Variants in ZNF665 observed in about 807,000 individuals in gnomAD.
ZNF665 encodes the protein zinc finger protein 665.
A neutral mutation model predicts 7.9 loss-of-function variants in ZNF665; 6 were observed. That is an observed-to-expected ratio of 0.76 (90% confidence interval 0.42 to 1.50). ZNF665 has a LOEUF of 1.50. ZNF665 is among the 40% of genes most tolerant of loss of function. The pLI is 0.01. For synonymous variants in ZNF665, 242 were observed against 274.5 expected (o/e 0.88, Z 1.17); for missense variants, 819 against 806.7 (o/e 1.02, Z -0.18).
rs146027444 is a variant in ZNF665, at chr19:53,170,948, A to G, written c.142+4497T>C. ...GATTAGAATGTATCTTGTATTTTTT[A>G]TGTTATATGTATTATATACTGTATT... On this transcript the variant is annotated intron_variant, in intron 3 of 3. Transcript: ENST00000396424. Among the ~76,000 whole-genome samples the G allele has an allele frequency of 2.4e-4, 36 of 152,144 alleles. No homozygotes were observed. In the Middle Eastern group the frequency reaches 0.027, roughly 115 times the overall value.
intron 2 of ZNF665, among the ~76,000 whole-genome samples, chr19:53,175,862 G>A (rs1012764526): frequency 6.6e-6 from 1 of 152,156 alleles, no homozygotes; most frequent in Non-Finnish European, 1.5e-5. Context: ...AAAGACCAAG[G>A]CAAGATTACA....
rs762205931 is a variant in ZNF665 at position 53,182,866 on chromosome 19, C to T, written c.15+18G>A. ...GAAAGGAAGGAGACAGAACAATCCA[C>T]CGAGAATATCATCTCACCTGAGGAA... On this transcript the variant is annotated intron_variant, in intron 2 of 3. Transcript: ENST00000396424. 1.4e-5 allele frequency: 23 copies of T among 1,613,174 alleles called. No homozygotes were observed. Among genetic ancestry groups the T allele is most frequent in the Non-Finnish European group, 1.6e-5 (19 of 1,180,002 alleles).
At position 53,166,213 on chromosome 19, in the gene ZNF665, T is replaced by C. The variant is rs2090614435; in HGVS notation, c.277A>G (p.Lys93Glu). The C allele has an allele frequency of 1.4e-5, 22 of 1,613,880 alleles. No individual in the cohort carries two copies. The highest frequency in any genetic ancestry group is 1.9e-5 in the Non-Finnish European group (22 of 1,179,904). The change falls in exon 4 of 4, where the codon AAA becomes GAA. Residue 93 changes from lysine (K) to glutamate (E), a missense_variant. Transcript: ENST00000396424. ...TGACACTCAAAGTCGTATGTATTTTTCTGAACTTCCTGGAAGGACAAGCCT... is the reference window on the plus strand; with the variant it reads ...TGACACTCAAAGTCGTATGTATTTTCCTGAACTTCCTGGAAGGACAAGCCT... ...TVGLSFQEVQ[K>E]NTYDFECQWK...
At chr19:53,168,331 T>G (rs139067022) in intron 3 of ZNF665, among the ~76,000 whole-genome samples, 1 of 152,088 alleles carries the variant, frequency 6.6e-6, no homozygotes, top group Non-Finnish European at 1.5e-5. Context: ...ATCAGAAAGT[T>G]TTCTAAAATG....
intron 3 of ZNF665, among the ~76,000 whole-genome samples, chr19:53,167,789 G>A (rs1391833369): frequency 6.1e-5 from 9 of 146,888 alleles, no homozygotes; most frequent in South Asian, 2.3e-4. Context: ...GGCGCCGGTG[G>A]CTCCCGCCTG....
chr19:53,176,554 G>A (rs925455255), intron 2 of ZNF665, among the ~76,000 whole-genome samples: 1 of 152,160 alleles, frequency 6.6e-6, no homozygotes, highest in Non-Finnish European at 1.5e-5. Flanking sequence ...TGATCCCAAC[G>A]AAAAGGTGAT....
intron 1 of ZNF665, among the ~76,000 whole-genome samples, chr19:53,191,240 C>T (rs749958230): frequency 6.6e-6 from 1 of 152,118 alleles, no homozygotes; most frequent in African/African-American, 2.4e-5. Context: ...CCACCCCACA[C>T]GTTTTGGTGA....
At chr19:53,173,261 T>C (rs893295827) in intron 3 of ZNF665, among the ~76,000 whole-genome samples, 1 of 152,190 alleles carries the variant, frequency 6.6e-6, no homozygotes, top group Non-Finnish European at 1.5e-5. Flanking sequence ...GTGTGGATAT[T>C]GCTTTTTTCT....
At chr19:53,183,545 T>C (rs2090754376) in intron 1 of ZNF665, among the ~76,000 whole-genome samples, 2 of 149,282 alleles carry the variant, frequency 1.3e-5, no homozygotes, top group Admixed American at 1.3e-4. Flanking sequence ...GTACTTTCCC[T>C]GGGGGCCTTG....
At chr19:53,183,022 C>T in intron 1 of ZNF665, 79 bp from the exon 2 acceptor site, 1 of 1,434,738 alleles carries the variant, frequency 7.0e-7, no homozygotes, top group Non-Finnish European at 9.7e-7. Flanking sequence ...AATCAACACA[C>T]CCCCTCCCTG....
chr19:53,179,542 G>T (rs1212668844), intron 2 of ZNF665: 1 of 151,858 alleles, frequency 6.6e-6, no homozygotes, highest in Non-Finnish European at 1.5e-5. Flanking sequence ...ACATGTGGAG[G>T]TTCCTGGAGG....
chr19:53,177,716 C>T (rs888020450), intron 2 of ZNF665, among the ~76,000 whole-genome samples: 2 of 152,084 alleles, frequency 1.3e-5, no homozygotes, highest in African/African-American at 2.4e-5. Context: ...GAAGAAAAAA[C>T]AAGTCAGAGC....
At chr19:53,191,091 G>C (rs1441149344) in intron 1 of ZNF665, among the ~76,000 whole-genome samples, 1 of 144,654 alleles carries the variant, frequency 6.9e-6, no homozygotes, top group Non-Finnish European at 1.5e-5. Context: ...TCTGGGACTT[G>C]GGGCTGGTAT....
intron 1 of ZNF665, among the ~76,000 whole-genome samples, chr19:53,189,499 C>T (rs374003746): frequency 0.011 from 1,616 of 146,340 alleles, 35 homozygotes; most frequent in African/African-American, 0.039. Flanking sequence ...GCCTGGCAGC[C>T]GAGGCAGAGA....
At chr19:53,176,290 C>T (rs186200739) in intron 2 of ZNF665, among the ~76,000 whole-genome samples, 1 of 152,118 alleles carries the variant, frequency 6.6e-6, no homozygotes. Flanking sequence ...ATAATGTAAA[C>T]AGTTATGCCT....
intron 2 of ZNF665, among the ~76,000 whole-genome samples, chr19:53,177,130 AAAACAAAC>A (rs555274831): frequency 6.6e-6 from 1 of 152,034 alleles, no homozygotes; most frequent in East Asian, 1.9e-4. Context: ...AACAAAAACA[AAAACAAAC>A]AAACAAACAA....
In ZNF665 at chr19:53,182,903, G is replaced by T; in HGVS notation, c.-5C>A. 6.2e-7 allele frequency: 1 copy of T among 1,610,880 alleles called. No individual in the cohort carries two copies. The highest frequency in any genetic ancestry group is 8.5e-7 in the Non-Finnish European group (1 of 1,179,944). On this transcript the variant is annotated 5_prime_UTR_variant, in exon 2 of 4. Coordinates refer to ENST00000396424, the MANE Select transcript of ZNF665 (RefSeq NM_024733.5). The stretch of plus-strand genomic sequence containing the variant: ...TCTCACCTGAGGAAGAGCCATCCCT[G>T]ACTCCTTTGCCTTCCTCTTCCTCTT...
chr19:53,189,469 T>C (rs1329600765), intron 1 of ZNF665, among the ~76,000 whole-genome samples: 2 of 145,924 alleles, frequency 1.4e-5, no homozygotes, highest in Admixed American at 6.9e-5. Flanking sequence ...ATGTGTCCAC[T>C]GGACAGGGGG....
At chr19:53,192,539 C>T (rs78722070) in intron 1 of ZNF665, among the ~76,000 whole-genome samples, 239 of 152,336 alleles carry the variant, frequency 1.6e-3, no homozygotes, top group African/African-American at 5.5e-3. Context: ...TTCACCCTTA[C>T]TGTCTCTTTG....
Sources: gnomAD v4.1 joint callset for allele counts (sites outside exome capture counted in the v4.1 genomes callset) on GRCh38, gnomAD v4.1.1 for gene constraint, MANE v1.5 for transcripts, NCBI Gene and HGNC (gene_info 2026-07-23, HGNC 2026-07-21) for gene names.